Variants in CHD9 observed in about 807,000 individuals in gnomAD.
CHD9 encodes the protein ATP-dependent chromatin remodeler CHD9.
Under a neutral mutation model 316.1 loss-of-function variants are expected in CHD9, and 77 were observed. The ratio of observed to expected loss-of-function variants is 0.24; its 90% CI spans 0.20 to 0.29. The LOEUF (loss-of-function observed/expected upper bound fraction) is 0.29, where lower values mean the gene tolerates loss of function less well. CHD9 is among the 10% of genes least tolerant of loss of function. The probability of loss-of-function intolerance (pLI) is 1.00; values close to 1 mark genes in which losing one functional copy is unlikely to be tolerated. For synonymous variants in CHD9, 1,129 were observed against 1,158.3 expected, an observed-to-expected ratio of 0.97 and a Z score of 0.51; for missense variants, 2,763 against 3,438.1, an observed-to-expected ratio of 0.80 and a Z score of 4.91.
intron 20 of CHD9, among the ~76,000 whole-genome samples, chr16:53,263,355 T>A (rs185932448): frequency 6.6e-6 from 1 of 152,136 alleles, no homozygotes; most frequent in Non-Finnish European, 1.5e-5. Context: ...ATATGTTTTT[T>A]AAATTTTTTA....
intron 26 of CHD9, among the ~76,000 whole-genome samples, chr16:53,287,443 C>T (rs942225755): frequency 7.2e-5 from 11 of 152,204 alleles, no homozygotes; most frequent in African/African-American, 2.2e-4. Flanking sequence ...AAAGCGAACT[C>T]GCGGCTGGAT....
intron 1 of CHD9, among the ~76,000 whole-genome samples, chr16:53,056,891 TA>T (rs1183169146): frequency 6.6e-6 from 1 of 152,218 alleles, no homozygotes; most frequent in Non-Finnish European, 1.5e-5. Flanking sequence ...TTCTTCCCTG[TA>T]ATCCCAGCAC....
intron 1 of CHD9, among the ~76,000 whole-genome samples, chr16:53,136,745 CT>C (rs1567359749): frequency 2.0e-5 from 3 of 152,004 alleles, no homozygotes; most frequent in Admixed American, 2.0e-4. Context: ...ACTTATTCTG[CT>C]TTGGTGAGTG....
chr16:53,162,785 T>C (rs1044832309), intron 2 of CHD9, among the ~76,000 whole-genome samples: 1 of 145,340 alleles, frequency 6.9e-6, no homozygotes, highest in African/African-American at 2.5e-5. Flanking sequence ...ATATAAGCCT[T>C]TTTTTTTTTT....
At chr16:53,132,168 A>G (rs1030487433) in intron 1 of CHD9, among the ~76,000 whole-genome samples, 1 of 151,916 alleles carries the variant, frequency 6.6e-6, no homozygotes, top group Non-Finnish European at 1.5e-5. Context: ...AACAAAGTAG[A>G]TGAGAATTTT....
intron 2 of CHD9, among the ~76,000 whole-genome samples, chr16:53,197,616 G>A (rs907228100): frequency 6.6e-6 from 1 of 151,316 alleles, no homozygotes; most frequent in African/African-American, 2.4e-5. Flanking sequence ...ATGGGACTAA[G>A]CAGCCTGTCT....
intron 19 of CHD9, among the ~76,000 whole-genome samples, chr16:53,261,000 G>C (rs1032752467): frequency 6.6e-6 from 1 of 151,672 alleles, no homozygotes; most frequent in East Asian, 1.9e-4. Context: ...AGGTATCTTT[G>C]GGGACCATTA....
chr16:53,111,718 T>C (rs561675809), intron 1 of CHD9, among the ~76,000 whole-genome samples: 1 of 152,318 alleles, frequency 6.6e-6, no homozygotes, highest in South Asian at 2.1e-4. Context: ...TTATTTCTGA[T>C]ATTATATTGT....
At chr16:53,315,812 A>G (rs991686642) in intron 36 of CHD9, among the ~76,000 whole-genome samples, 3 of 152,056 alleles carry the variant, frequency 2.0e-5, no homozygotes, top group African/African-American at 4.8e-5. Flanking sequence ...TAAAACACCA[A>G]AGTTTTAAGT....
intron 1 of CHD9, chr16:53,099,282 A>G (rs2036635161): frequency 6.6e-6 from 1 of 152,252 alleles, no homozygotes; most frequent in Non-Finnish European, 1.5e-5. Context: ...AGTAATTTTC[A>G]TATTCAGAAT....
At chr16:53,162,224 G>C (rs764615399) in intron 2 of CHD9, among the ~76,000 whole-genome samples, 7 of 152,172 alleles carry the variant, frequency 4.6e-5, no homozygotes, top group Non-Finnish European at 7.3e-5. Flanking sequence ...AGTGGGAAGA[G>C]AGGCCAGAGG....
At chr16:53,208,319 T>C (rs1304447957) in intron 2 of CHD9, 1 of 1,281,598 alleles carries the variant, frequency 7.8e-7, no homozygotes, top group Admixed American at 2.4e-5. Context: ...ACGCCAAAAA[T>C]GTCTTCAGTG....
chr16:53,196,097 C>T (rs1490509460), intron 2 of CHD9, among the ~76,000 whole-genome samples: 2 of 152,116 alleles, frequency 1.3e-5, no homozygotes, highest in African/African-American at 4.8e-5. Flanking sequence ...AGGGTAGAAT[C>T]TTGCAAAACT....
intron 3 of CHD9, among the ~76,000 whole-genome samples, chr16:53,216,254 T>C (rs545327915): frequency 6.6e-6 from 1 of 152,234 alleles, no homozygotes; most frequent in Admixed American, 6.5e-5. Flanking sequence ...AATTGGGTGT[T>C]TTGCTTAACT....
chr16:53,142,765 A>C (rs2040221147), intron 1 of CHD9, among the ~76,000 whole-genome samples: 1 of 152,272 alleles, frequency 6.6e-6, no homozygotes, highest in African/African-American at 2.4e-5. Context: ...TTTTCTAATT[A>C]AACAGTCAAA....
chr16:53,287,150 G>A (rs1285705110), intron 26 of CHD9, among the ~76,000 whole-genome samples: 2 of 152,078 alleles, frequency 1.3e-5, no homozygotes, highest in Non-Finnish European at 1.5e-5. Flanking sequence ...ATTTTTTGTA[G>A]AGATGAGGTC....
At chr16:53,158,770 T>G (rs1025665442) in intron 2 of CHD9, among the ~76,000 whole-genome samples, 1 of 152,034 alleles carries the variant, frequency 6.6e-6, no homozygotes, top group African/African-American at 2.4e-5. Flanking sequence ...CCTGGGTAGC[T>G]GGGACTATAG....
chr16:53,075,281 C>T (rs1207631066), intron 1 of CHD9, among the ~76,000 whole-genome samples: 1 of 152,170 alleles, frequency 6.6e-6, no homozygotes, highest in Non-Finnish European at 1.5e-5. Context: ...TTTACAGGCT[C>T]ATAGACAGAA....
chr16:53,080,320 T>G (rs1338411191), intron 1 of CHD9, among the ~76,000 whole-genome samples: 1 of 152,180 alleles, frequency 6.6e-6, no homozygotes, highest in African/African-American at 2.4e-5. Context: ...CCCATCAACA[T>G]GGATAACTGA....
Sources: gnomAD v4.1 joint callset for allele counts (sites outside exome capture counted in the v4.1 genomes callset) on GRCh38, gnomAD v4.1.1 for gene constraint, MANE v1.5 for transcripts, NCBI Gene and HGNC (gene_info 2026-07-23, HGNC 2026-07-21) for gene names.